The following CNTN4 variants were observed in gnomAD, a reference collection of about 807,000 sequenced individuals.
CNTN4 encodes contactin-4.
Under a neutral mutation model 122.5 loss-of-function variants are expected in CNTN4, and 77 were observed. The observed-to-expected ratio is 0.63, with a 90% confidence interval of 0.52 to 0.76. CNTN4 has a LOEUF of 0.76. Among genes scored for constraint, CNTN4 ranks in the 30% least tolerant of loss-of-function variants. CNTN4 has a pLI of 0.00. For synonymous variants in CNTN4, 512 were observed against 447.0 expected, an observed-to-expected ratio of 1.15 and a Z score of -1.83; for missense variants, 1,256 against 1,259.1, an observed-to-expected ratio of 1.00 and a Z score of 0.04.
intron 7 of CNTN4, among the ~76,000 whole-genome samples, chr3:2,825,948 G>A (rs936719320): frequency 6.6e-5 from 10 of 152,042 alleles, no homozygotes; most frequent in Admixed American, 3.3e-4. Context: ...AGGGACCTTC[G>A]AACACGAACA....
chr3:2,508,259 G>C (rs1199948071), intron 3 of CNTN4, among the ~76,000 whole-genome samples: 1 of 152,180 alleles, frequency 6.6e-6, no homozygotes, highest in Non-Finnish European at 1.5e-5. Context: ...GCCCTGGGCA[G>C]CAATTTCTGA....
At chr3:2,612,235 C>T (rs2081529622) in intron 4 of CNTN4, among the ~76,000 whole-genome samples, 1 of 151,944 alleles carries the variant, frequency 6.6e-6, no homozygotes, top group South Asian at 2.1e-4. Context: ...ACATTTAATA[C>T]AGCTAACGAA....
chr3:2,615,576 A>G (rs2081685156), intron 4 of CNTN4, among the ~76,000 whole-genome samples: 1 of 65,370 alleles, frequency 1.5e-5, no homozygotes, highest in Admixed American at 1.4e-4. Flanking sequence ...CATCTATTTC[A>G]CTCTAAAAAA....
chr3:2,192,385 G>C (rs1370783516), intron 2 of CNTN4, among the ~76,000 whole-genome samples: 2 of 152,148 alleles, frequency 1.3e-5, no homozygotes, highest in East Asian at 3.9e-4. Flanking sequence ...ATCCTCTCCA[G>C]CACCTGTTGT....
chr3:2,675,864 A>G (rs1021184966), intron 4 of CNTN4, among the ~76,000 whole-genome samples: 22 of 152,308 alleles, frequency 1.4e-4, no homozygotes, highest in African/African-American at 4.8e-4. Context: ...TTTGTTTCTC[A>G]TATCAACCTC....
intron 7 of CNTN4, among the ~76,000 whole-genome samples, chr3:2,863,473 G>C (rs953002648): frequency 2.8e-5 from 3 of 108,000 alleles, no homozygotes; most frequent in African/African-American, 1.1e-4. Flanking sequence ...TTCAGCATAA[G>C]AAATGGTTAC....
chr3:2,961,576 CTGTTA>C (rs907349958), intron 13 of CNTN4, among the ~76,000 whole-genome samples: 1 of 152,108 alleles, frequency 6.6e-6, no homozygotes, highest in African/African-American at 2.4e-5. Context: ...TCCTCACTGC[CTGTTA>C]TATCAAATGT....
At chr3:2,816,232 T>C (rs1020759462) in intron 6 of CNTN4, among the ~76,000 whole-genome samples, 3 of 148,014 alleles carry the variant, frequency 2.0e-5, no homozygotes, top group African/African-American at 7.9e-5. Flanking sequence ...CGGGCGCCTG[T>C]AGTCCCAGCT....
intron 2 of CNTN4, among the ~76,000 whole-genome samples, chr3:2,101,393 T>C (rs1305456123): frequency 2.0e-5 from 3 of 152,230 alleles, no homozygotes; most frequent in African/African-American, 7.2e-5. Context: ...TTTTAACTTG[T>C]TGTTTCTTCT....
chr3:2,501,885 A>C (rs542345145), intron 3 of CNTN4, among the ~76,000 whole-genome samples: 1 of 152,324 alleles, frequency 6.6e-6, no homozygotes, highest in African/African-American at 2.4e-5. Flanking sequence ...ACATGGGTGC[A>C]TGAGATCCTG....
At chr3:2,813,221 A>C (rs2092653211) in intron 6 of CNTN4, among the ~76,000 whole-genome samples, 1 of 152,196 alleles carries the variant, frequency 6.6e-6, no homozygotes, top group Non-Finnish European at 1.5e-5. Flanking sequence ...TGCAGTCATC[A>C]TTATGGAGAT....
At chr3:2,557,006 G>T (rs1575980521) in intron 3 of CNTN4, among the ~76,000 whole-genome samples, 2 of 152,298 alleles carry the variant, frequency 1.3e-5, no homozygotes, top group East Asian at 1.9e-4. Context: ...AACAAATCAT[G>T]AAATTGAATT....
intron 2 of CNTN4, among the ~76,000 whole-genome samples, chr3:2,111,478 T>C (rs2032951783): frequency 6.6e-6 from 1 of 152,116 alleles, no homozygotes; most frequent in East Asian, 1.9e-4. Flanking sequence ...CATAATATAA[T>C]GTACTCCCCA....
At chr3:2,295,212 G>C (rs145386435) in intron 2 of CNTN4, among the ~76,000 whole-genome samples, 40,567 of 119,064 alleles carry the variant, frequency 0.34, 8,122 homozygotes, top group East Asian at 0.57. Flanking sequence ...ATGGCTGGGT[G>C]AAATGGTATT....
rs534976921 is a variant in CNTN4, at chr3:2,356,175, T to C, written c.-89+16942T>C. The stretch of plus-strand genomic sequence containing the variant: ...CAATCAAGACCCTAAGAGAGAGTTC[T>C]TGGATCTCACATAAGAATGAATTCG... On this transcript the variant is annotated intron_variant, in intron 3 of 24. Coordinates refer to ENST00000418658, the MANE Select transcript of CNTN4 (RefSeq NM_175607.3). Among the ~76,000 whole-genome samples, 26 of 152,320 alleles carry C rather than the reference T, an allele frequency of 1.7e-4. 1 individual carries two copies. The East Asian group carries it at 5.0e-3, about 29-fold the overall frequency.
rs975324910 is a variant in CNTN4 at position 2,169,500 on chromosome 3, G to A, written c.-145+68861G>A. Among the ~76,000 whole-genome samples, 11 of 151,378 alleles carry A rather than the reference G, an allele frequency of 7.3e-5. No homozygotes were observed. The South Asian group carries it at 1.7e-3, about 23-fold the overall frequency. On this transcript the variant is annotated intron_variant, in intron 2 of 24. Transcript: ENST00000418658. ...CGGCTCACTGCAAGCTCCGCCTCCC[G>A]GGTTCCCGCCATTCTCCTGCCTCAG...
At chr3:2,801,961 A>G (rs962104218) in intron 6 of CNTN4, among the ~76,000 whole-genome samples, 1 of 152,170 alleles carries the variant, frequency 6.6e-6, no homozygotes, top group Non-Finnish European at 1.5e-5. Flanking sequence ...AGTTTTCTCT[A>G]TTTGCTAAAA....
At chr3:2,162,621 C>T (rs1319691659) in intron 2 of CNTN4, among the ~76,000 whole-genome samples, 2 of 152,098 alleles carry the variant, frequency 1.3e-5, no homozygotes. Flanking sequence ...TAGTATGTGT[C>T]ATTCAAATTT....
chr3:2,717,735 A>G (rs2149375511), intron 4 of CNTN4, among the ~76,000 whole-genome samples: 1 of 152,282 alleles, frequency 6.6e-6, no homozygotes, highest in East Asian at 1.9e-4. Context: ...TAGTATCTAC[A>G]CTATTTTACA....
Sources: allele counts gnomAD v4.1 joint callset (sites outside exome capture counted in the v4.1 genomes callset), GRCh38; gene constraint gnomAD v4.1.1; transcripts MANE v1.5; gene names NCBI Gene and HGNC (gene_info 2026-07-23, HGNC 2026-07-21).